Variants in TFB2M observed in about 807,000 individuals in gnomAD.
TFB2M encodes the protein transcription factor B2, mitochondrial.
In TFB2M, 44 loss-of-function variants were observed where a neutral mutation model predicts 41.3. The observed-to-expected ratio is 1.07, with a 90% CI of 0.84 to 1.37. The LOEUF is 1.37. TFB2M is among the 40% of genes most tolerant of loss of function. The pLI, the probability that TFB2M is intolerant of heterozygous loss-of-function variation, is 0.00. For missense variants in TFB2M, 496 were observed against 490.2 expected, an observed-to-expected ratio of 1.01 and a Z score of -0.11; for synonymous variants, 188 against 176.8, an observed-to-expected ratio of 1.06 and a Z score of -0.50.
chr1:246,545,420 G>A (rs1442266285), intron 6 of TFB2M, among the ~76,000 whole-genome samples: 1 of 152,192 alleles, frequency 6.6e-6, no homozygotes, highest in East Asian at 2.0e-4. Flanking sequence ...AGCTACTCGG[G>A]AGGCTGAGGT....
intron 4 of TFB2M, among the ~76,000 whole-genome samples, chr1:246,552,791 C>A (rs1659221243): frequency 6.6e-6 from 1 of 151,526 alleles, no homozygotes; most frequent in African/African-American, 2.4e-5. Context: ...CTAATAAATT[C>A]AGCTGAGTAT....
chr1:246,565,023 A>T (rs779346074), intron 1 of TFB2M, among the ~76,000 whole-genome samples: 17 of 152,304 alleles, frequency 1.1e-4, no homozygotes, highest in Middle Eastern at 3.4e-3. Flanking sequence ...CTCTTAGAAG[A>T]AAAAAGTCAC....
At chr1:246,559,830 G>A (rs901918876) in intron 2 of TFB2M, among the ~76,000 whole-genome samples, 4 of 152,200 alleles carry the variant, frequency 2.6e-5, no homozygotes, top group Admixed American at 6.5e-5. Flanking sequence ...GGGAGAAACA[G>A]AGGACTAGCC....
chr1:246,553,768 C>T (rs1357585009), intron 4 of TFB2M, among the ~76,000 whole-genome samples: 4 of 152,190 alleles, frequency 2.6e-5, no homozygotes, highest in East Asian at 1.9e-4. Context: ...TGTTAAGATG[C>T]CACTACCACC....
chr1:246,551,163 A>G (rs1163918620), intron 5 of TFB2M, 50 bp downstream of exon 5: 1 of 1,430,222 alleles, frequency 7.0e-7, no homozygotes, highest in South Asian at 1.1e-5. Context: ...CAACATAATG[A>G]GACCCTGTCG....
intron 4 of TFB2M, 45 bp from the exon 5 acceptor site, chr1:246,551,347 T>C: frequency 7.4e-7 from 1 of 1,345,066 alleles, no homozygotes; most frequent in Non-Finnish European, 1.1e-6. Context: ...ACATCTATAA[T>C]CAATTAAAAA....
intron 7 of TFB2M, among the ~76,000 whole-genome samples, chr1:246,543,934 G>A (rs2102982639): frequency 6.6e-6 from 1 of 152,298 alleles, no homozygotes; most frequent in East Asian, 1.9e-4. Context: ...AGGCTGCAGT[G>A]AGCTGAGACT....
At chr1:246,556,744 G>T (rs1010738418) in intron 3 of TFB2M, 23 bp from the exon 4 acceptor site, 30 of 1,529,928 alleles carry the variant, frequency 2.0e-5, no homozygotes, top group Non-Finnish European at 2.5e-5. Context: ...TAAGCAAAAA[G>T]ATTTGAATAA....
At chr1:246,557,918 C>T (rs1659366456) in intron 2 of TFB2M, among the ~76,000 whole-genome samples, 1 of 152,148 alleles carries the variant, frequency 6.6e-6, no homozygotes, top group South Asian at 2.1e-4. Flanking sequence ...ATACGTCCAC[C>T]TTGGCCTCCC....
Position 246,556,561 on chromosome 1 carries a change from T to C in TFB2M, c.705+12A>G. The C allele has an allele frequency of 6.8e-7, 1 of 1,465,428 alleles. No individual in the cohort carries two copies. The allele number at this position is 1,465,428 out of a possible 1,614,324, so 90.8% of individuals were successfully genotyped here. On this transcript the variant is annotated intron_variant, in intron 4 of 7. Coordinates refer to ENST00000366514, the MANE Select transcript of TFB2M (RefSeq NM_022366.3). ...ACTCAGAACAAAAAATAGGTATTTG[T>C]TAATAACATACCTGGAATTCTTTTT...
chr1:246,562,660 A>G (rs945528869), intron 2 of TFB2M, among the ~76,000 whole-genome samples: 1 of 151,526 alleles, frequency 6.6e-6, no homozygotes, highest in Admixed American at 6.6e-5. Context: ...TCCATAGGGA[A>G]CTTTTTTTTT....
At chr1:246,558,670 G>A (rs1405767177) in intron 2 of TFB2M, among the ~76,000 whole-genome samples, 1 of 152,176 alleles carries the variant, frequency 6.6e-6, no homozygotes, top group African/African-American at 2.4e-5. Flanking sequence ...AAAGGCAGAT[G>A]GATTCAAGAG....
At chr1:246,547,626 C>A (rs981380542) in intron 6 of TFB2M, among the ~76,000 whole-genome samples, 4 of 150,516 alleles carry the variant, frequency 2.7e-5, no homozygotes, top group African/African-American at 9.8e-5. Flanking sequence ...TCAGACTAAG[C>A]TGTTATGCTG....
chr1:246,557,150 T>G (rs2102989064), intron 3 of TFB2M, among the ~76,000 whole-genome samples: 1 of 152,130 alleles, frequency 6.6e-6, no homozygotes, highest in South Asian at 2.1e-4. Context: ...TGACACACAC[T>G]TGTAATCCCA....
chr1:246,545,078 T>C (rs921486329), intron 6 of TFB2M, among the ~76,000 whole-genome samples: 6 of 152,014 alleles, frequency 3.9e-5, no homozygotes, highest in Non-Finnish European at 7.4e-5. Context: ...AGTGCTGGGA[T>C]TACAGGCGTG....
intron 1 of TFB2M, 134 bp downstream of exon 1, chr1:246,565,692 C>T: frequency 9.8e-7 from 1 of 1,020,038 alleles, no homozygotes; most frequent in Non-Finnish European, 1.4e-6. Context: ...AGCCTGGCAA[C>T]ACAGCGAGAC....
chr1:246,565,148 C>T (rs1372930983), intron 1 of TFB2M, among the ~76,000 whole-genome samples: 1 of 152,220 alleles, frequency 6.6e-6, no homozygotes, highest in East Asian at 1.9e-4. Context: ...TGAAATGGTG[C>T]TTTAAAAAAC....
rs1007284917 is a variant in TFB2M, at chr1:246,565,926, A to G, written c.213T>C (p.Phe71=). The stretch of plus-strand genomic sequence containing the variant: ...ATCTCCGATCGGTTACGTAACGCTT[A>G]AAGTCTAAGCTGGCCTTAGACGCCT... The part of the protein sequence containing the change: ...PRKASKASLD[F]KRYVTDRRLA... The change falls in exon 1 of 8, where the codon TTT becomes TTC. Residue 71 remains phenylalanine (F), a synonymous_variant. Coordinates refer to ENST00000366514, the MANE Select transcript of TFB2M (RefSeq NM_022366.3). 6.8e-6 allele frequency: 11 copies of G among 1,614,202 alleles called. No homozygotes were observed. The highest frequency in any genetic ancestry group is 1.1e-5 in the South Asian group (1 of 91,084).
chr1:246,550,059 G>A (rs955953020), intron 5 of TFB2M, among the ~76,000 whole-genome samples: 3 of 152,198 alleles, frequency 2.0e-5, no homozygotes, highest in African/African-American at 7.2e-5. Flanking sequence ...TTCCTTTCTG[G>A]AGTTTAGTAA....
Sources: allele counts gnomAD v4.1 joint callset (sites outside exome capture counted in the v4.1 genomes callset), GRCh38; gene constraint gnomAD v4.1.1; transcripts MANE v1.5; gene names NCBI Gene and HGNC (gene_info 2026-07-23, HGNC 2026-07-21).